Variants in ARHGEF28 observed in about 807,000 individuals in gnomAD.
ARHGEF28 encodes the protein Rho guanine nucleotide exchange factor 28.
In ARHGEF28, 152 loss-of-function variants were observed where a neutral mutation model predicts 206.6. The ratio of observed to expected loss-of-function variants is 0.74; its 90% CI spans 0.64 to 0.84. ARHGEF28 has a LOEUF of 0.84. Ranked by LOEUF, ARHGEF28 falls within the 40% of genes least tolerant of loss-of-function variation. The pLI is 0.00. For synonymous variants in ARHGEF28, 763 were observed against 776.4 expected, an observed-to-expected ratio of 0.98 and a Z score of 0.29; for missense variants, 2,028 against 2,073.2, an observed-to-expected ratio of 0.98 and a Z score of 0.42.
chr5:73,808,601 A>G (rs1334050109), intron 9 of ARHGEF28, among the ~76,000 whole-genome samples: 1 of 152,204 alleles, frequency 6.6e-6, no homozygotes, highest in Non-Finnish European at 1.5e-5. Flanking sequence ...TTTTCACCTT[A>G]TGCTAGAAGT....
chr5:73,921,826 C>T (rs1281737274), intron 35 of ARHGEF28, among the ~76,000 whole-genome samples: 2 of 152,122 alleles, frequency 1.3e-5, no homozygotes, highest in South Asian at 4.1e-4. Context: ...TTGGAAGAAC[C>T]GTTTACAAGC....
chr5:73,872,403 A>ATT (rs1760163051), intron 21 of ARHGEF28, among the ~76,000 whole-genome samples: 1 of 152,116 alleles, frequency 6.6e-6, no homozygotes, highest in African/African-American at 2.4e-5. Context: ...TATCAGATAA[A>ATT]TTATTTACAA....
intron 11 of ARHGEF28, among the ~76,000 whole-genome samples, chr5:73,845,593 T>C (rs1758286073): frequency 6.6e-6 from 1 of 152,158 alleles, no homozygotes. Context: ...ATTTAAAATA[T>C]TTGATGGGTT....
chr5:73,695,309 C>T (rs1561339163), intron 2 of ARHGEF28, among the ~76,000 whole-genome samples: 1 of 149,948 alleles, frequency 6.7e-6, no homozygotes, highest in African/African-American at 2.5e-5. Flanking sequence ...GTCTATTGTG[C>T]TTTCCTCTCC....
At chr5:73,898,272 A>G (rs1045650003) in intron 30 of ARHGEF28, 179 bp downstream of exon 30, 1 of 673,064 alleles carries the variant, frequency 1.5e-6, no homozygotes, top group African/African-American at 1.8e-5. Flanking sequence ...GGCATATAAT[A>G]ATGACACTGG....
intron 35 of ARHGEF28, among the ~76,000 whole-genome samples, chr5:73,924,137 C>T (rs1460576949): frequency 6.6e-6 from 1 of 152,164 alleles, no homozygotes; most frequent in Non-Finnish European, 1.5e-5. Flanking sequence ...TGAAAACACA[C>T]TTTTCCAATG....
intron 9 of ARHGEF28, among the ~76,000 whole-genome samples, chr5:73,819,346 A>T (rs1334417298): frequency 6.6e-6 from 1 of 152,188 alleles, no homozygotes; most frequent in Non-Finnish European, 1.5e-5. Context: ...AACTTCTCAC[A>T]TAACTTTGCC....
At position 73,752,943 on chromosome 5, in the gene ARHGEF28, G is replaced by A; in HGVS notation, c.216G>A (p.Val72=). The change falls in exon 4 of 36, where the codon GTG becomes GTA. Residue 72 remains valine (V), a synonymous_variant. Transcript: ENST00000513042. The part of the protein sequence containing the change: ...HGLQETVTVS[V]CLCSEGYSPV... ...TTCAGGAGACGGTGACGGTATCTGT[G>A]TGCCTCTGCTCGGAAGGTTACTCTC... 1 of 1,613,926 alleles carries A rather than the reference G, an allele frequency of 6.2e-7. No homozygotes were observed. The highest frequency in any genetic ancestry group is 8.5e-7 in the Non-Finnish European group (1 of 1,179,864).
intron 35 of ARHGEF28, among the ~76,000 whole-genome samples, chr5:73,913,677 GTGT>G (rs1165812467): frequency 1.3e-5 from 2 of 152,208 alleles, no homozygotes; most frequent in African/African-American, 4.8e-5. Flanking sequence ...GGACCAGGCA[GTGT>G]TGTTGTCCCC....
intron 7 of ARHGEF28, among the ~76,000 whole-genome samples, chr5:73,788,553 A>T (rs1216180019): frequency 1.3e-5 from 2 of 152,312 alleles, no homozygotes; most frequent in Admixed American, 6.5e-5. Flanking sequence ...CTAGAGAAAA[A>T]AATGTTCTTA....
intron 35 of ARHGEF28, among the ~76,000 whole-genome samples, chr5:73,924,848 T>C (rs79235519): frequency 0.14 from 21,464 of 152,174 alleles, 1,771 homozygotes; most frequent in South Asian, 0.3. Flanking sequence ...GCATCCTCCT[T>C]TGGAGGCCAG....
At chr5:73,841,849 G>C (rs1412013488) in intron 11 of ARHGEF28, among the ~76,000 whole-genome samples, 1 of 152,108 alleles carries the variant, frequency 6.6e-6, no homozygotes, top group Non-Finnish European at 1.5e-5. Flanking sequence ...AGTTTCCATG[G>C]TAGATGGCCA....
intron 1 of ARHGEF28, among the ~76,000 whole-genome samples, 162 bp downstream of exon 1, chr5:73,626,484 G>A (rs1013939593): frequency 3.3e-5 from 5 of 152,166 alleles, no homozygotes; most frequent in Non-Finnish European, 5.9e-5. Context: ...GCTGCGGCGC[G>A]AGGGCTGGGC....
intron 13 of ARHGEF28, 131 bp downstream of exon 13, chr5:73,849,218 C>G: frequency 1.5e-6 from 1 of 662,862 alleles, no homozygotes; most frequent in Non-Finnish European, 2.5e-6. Flanking sequence ...ACTGGTTTTT[C>G]TAAGCCTGAC....
intron 2 of ARHGEF28, among the ~76,000 whole-genome samples, chr5:73,736,743 T>C (rs1047422219): frequency 6.6e-6 from 1 of 152,160 alleles, no homozygotes; most frequent in African/African-American, 2.4e-5. Context: ...AACATCTATA[T>C]GGTAGGAGTT....
chr5:73,823,951 G>A (rs1253262279), intron 9 of ARHGEF28, among the ~76,000 whole-genome samples: 1 of 152,204 alleles, frequency 6.6e-6, no homozygotes, highest in Non-Finnish European at 1.5e-5. Context: ...ACAGTGCCTG[G>A]TTCAGAGTAA....
chr5:73,897,726 C>A (rs2112698696), intron 29 of ARHGEF28, among the ~76,000 whole-genome samples: 1 of 152,316 alleles, frequency 6.6e-6, no homozygotes, highest in East Asian at 1.9e-4. Flanking sequence ...GGGCCAGATA[C>A]TAAGTATTTT....
intron 35 of ARHGEF28, among the ~76,000 whole-genome samples, chr5:73,922,193 G>T (rs1022172481): frequency 5.9e-5 from 9 of 152,148 alleles, no homozygotes; most frequent in African/African-American, 2.2e-4. Flanking sequence ...ATAAGTTTTC[G>T]CCTCATTCGG....
intron 21 of ARHGEF28, 123 bp downstream of exon 21, chr5:73,870,332 C>T: frequency 8.3e-7 from 1 of 1,198,254 alleles, no homozygotes. Context: ...TACCTGATCG[C>T]AGACAAATTA....
Sources: gnomAD v4.1 joint callset for allele counts (sites outside exome capture counted in the v4.1 genomes callset) on GRCh38, gnomAD v4.1.1 for gene constraint, MANE v1.5 for transcripts, NCBI Gene and HGNC (gene_info 2026-07-23, HGNC 2026-07-21) for gene names.